The following VKORC1L1 variants were observed in gnomAD, a reference collection of about 807,000 sequenced individuals.
The protein encoded by VKORC1L1 is vitamin K epoxide reductase complex subunit 1L1.
In VKORC1L1, 2 loss-of-function variants were observed where a neutral mutation model predicts 18.9. The observed-to-expected ratio is 0.11, with a 90% confidence interval of 0.04 to 0.33. The LOEUF (loss-of-function observed/expected upper bound fraction) is 0.33, where lower values mean the gene tolerates loss of function less well. Among genes scored for constraint, VKORC1L1 ranks in the 10% least tolerant of loss-of-function variants. The pLI is 1.00. For synonymous variants in VKORC1L1, 96 were observed against 100.0 expected (o/e 0.96, Z 0.24); for missense variants, 123 against 224.1 (o/e 0.55, Z 2.88).
chr7:65,869,749 C>A (rs1477950971), upstream of VKORC1L1, among the ~76,000 whole-genome samples: 1 of 144,958 alleles, frequency 6.9e-6, no homozygotes, highest in Non-Finnish European at 1.5e-5. Context: ...CTCCTGGGCT[C>A]AAGTAATCCT....
At chr7:65,906,067 C>T (rs530931724) in intron 1 of VKORC1L1, among the ~76,000 whole-genome samples, 12 of 151,914 alleles carry the variant, frequency 7.9e-5, no homozygotes, top group African/African-American at 2.9e-4. Context: ...AGAATGTGAG[C>T]GTTTTGAAGA....
intron 1 of VKORC1L1, among the ~76,000 whole-genome samples, chr7:65,939,954 T>C (rs1583861994): frequency 1.3e-5 from 2 of 152,174 alleles, no homozygotes; most frequent in East Asian, 3.8e-4. Context: ...GATTGCCAAA[T>C]GTAATAGTCT....
intron 1 of VKORC1L1, among the ~76,000 whole-genome samples, chr7:65,915,282 G>A (rs1285152495): frequency 3.3e-5 from 5 of 150,682 alleles, no homozygotes; most frequent in Non-Finnish European, 4.4e-5. Flanking sequence ...TAGTAGAGAC[G>A]GGGTTTCACC....
intron 1 of VKORC1L1, among the ~76,000 whole-genome samples, chr7:65,878,127 G>T (rs1173585109): frequency 6.6e-6 from 1 of 152,046 alleles, no homozygotes; most frequent in Admixed American, 6.6e-5. Context: ...CTACCCCATT[G>T]AGATAATAAA....
chr7:65,948,892 G>T, intron 2 of VKORC1L1, 112 bp downstream of exon 2: 1 of 1,327,472 alleles, frequency 7.5e-7, no homozygotes, highest in South Asian at 1.4e-5. Context: ...AACCACTAGC[G>T]TGTACAACAT....
intron 1 of VKORC1L1, among the ~76,000 whole-genome samples, chr7:65,914,145 T>C (rs1789548501): frequency 6.6e-6 from 1 of 152,138 alleles, no homozygotes; most frequent in Non-Finnish European, 1.5e-5. Context: ...TGAGGCAGGG[T>C]CTCACTCTGT....
chr7:65,929,146 C>T (rs867883284), intron 1 of VKORC1L1, among the ~76,000 whole-genome samples: 3 of 152,110 alleles, frequency 2.0e-5, no homozygotes, highest in South Asian at 2.1e-4. Flanking sequence ...TGGTAGCTCA[C>T]GCCTGTAATC....
At chr7:65,922,597 T>G (rs1789695486) in intron 1 of VKORC1L1, among the ~76,000 whole-genome samples, 1 of 149,680 alleles carries the variant, frequency 6.7e-6, no homozygotes. Context: ...TCATGTTTCT[T>G]TTGCCTGAAG....
At chr7:65,880,734 A>G (rs1788913923) in intron 1 of VKORC1L1, among the ~76,000 whole-genome samples, 2 of 152,182 alleles carry the variant, frequency 1.3e-5, no homozygotes, top group African/African-American at 4.8e-5. Flanking sequence ...TTTGAGAAGA[A>G]CAGCAAGTGG....
rs985747624 is a variant in VKORC1L1, at chr7:65,929,676, GTGTGTGTATATATATATATATAT to G, written c.195-18994_195-18972del. Among the ~76,000 whole-genome samples the G allele has an allele frequency of 1.0e-3, 42 of 41,908 alleles. 1 individual carries two copies. Among genetic ancestry groups the G allele is most frequent in the Non-Finnish European group, 1.6e-3 (32 of 20,346 alleles). 27.5% of individuals were successfully genotyped at this position (41,908 alleles called of 152,430 possible). ...TATGTATGTGTGTGTGTGTATGTGT[GTGTGTGTATATATATATATATAT>G]ATATGGTTTTTTTTAACTTTACTTT... is the stretch of plus-strand genomic sequence containing the variant. On this transcript the variant is annotated intron_variant, in intron 1 of 2. Coordinates refer to ENST00000360768, the MANE Select transcript of VKORC1L1 (RefSeq NM_173517.6).
At chr7:65,937,243 A>ACTC (rs10628752) in intron 1 of VKORC1L1, among the ~76,000 whole-genome samples, 148,940 of 152,192 alleles carry the variant, frequency 0.98, 72,964 homozygotes, top group East Asian at 1. Flanking sequence ...TCCAGTTTTT[A>ACTC]CTCTCCTCTA....
intron 1 of VKORC1L1, among the ~76,000 whole-genome samples, chr7:65,928,005 T>C (rs1251509380): frequency 2.6e-5 from 4 of 152,170 alleles, no homozygotes; most frequent in Non-Finnish European, 5.9e-5. Context: ...TATCTCTTTA[T>C]TTCCGTGAAG....
chr7:65,873,044 C>T (rs1478190095), upstream of VKORC1L1, among the ~76,000 whole-genome samples: 2 of 146,174 alleles, frequency 1.4e-5, no homozygotes, highest in East Asian at 2.1e-4. Context: ...CGCGCGCGAC[C>T]GGCCGCGCGG....
At chr7:65,918,023 G>A (rs889394816) in intron 1 of VKORC1L1, among the ~76,000 whole-genome samples, 2 of 152,188 alleles carry the variant, frequency 1.3e-5, no homozygotes, top group African/African-American at 4.8e-5. Context: ...TACAGTGACA[G>A]TTCTGTCTCG....
At chr7:65,896,275 A>T (rs1410539996) in intron 1 of VKORC1L1, among the ~76,000 whole-genome samples, 2 of 151,886 alleles carry the variant, frequency 1.3e-5, no homozygotes, top group African/African-American at 4.8e-5. Flanking sequence ...CTTCTTTAGG[A>T]TATCACATTT....
chr7:65,890,124 ATTTT>A (rs35228954), intron 1 of VKORC1L1, among the ~76,000 whole-genome samples: 3 of 90,466 alleles, frequency 3.3e-5, no homozygotes, highest in Non-Finnish European at 2.2e-5. Flanking sequence ...CACCTGGGTA[ATTTT>A]TTTTTTTTTT....
chr7:65,907,362 C>T (rs867031856), intron 1 of VKORC1L1, among the ~76,000 whole-genome samples: 6 of 152,014 alleles, frequency 3.9e-5, no homozygotes, highest in East Asian at 1.9e-4. Context: ...GCTTAGAACC[C>T]GGGAGTCGGA....
chr7:65,914,637 G>A (rs374111255), intron 1 of VKORC1L1, among the ~76,000 whole-genome samples: 1 of 152,096 alleles, frequency 6.6e-6, no homozygotes, highest in Admixed American at 6.6e-5. Flanking sequence ...CTGTTTTCAA[G>A]CTAATTCTTT....
chr7:65,869,640 CTTTTTTTT>C (rs1226951533), upstream of VKORC1L1, among the ~76,000 whole-genome samples: 30 of 77,286 alleles, frequency 3.9e-4, no homozygotes, highest in Admixed American at 5.1e-4. Flanking sequence ...CGATTTCATT[CTTTTTTTT>C]TTTTTTTTTT....
Sources: allele counts gnomAD v4.1 joint callset (sites outside exome capture counted in the v4.1 genomes callset), GRCh38; gene constraint gnomAD v4.1.1; transcripts MANE v1.5; gene names NCBI Gene and HGNC (gene_info 2026-07-23, HGNC 2026-07-21).